The following AVIL variants were observed in gnomAD, a reference collection of about 807,000 sequenced individuals.
AVIL encodes the protein advillin.
Under a neutral mutation model 109.9 loss-of-function variants are expected in AVIL, and 78 were observed. The observed-to-expected ratio is 0.71, with a 90% CI of 0.59 to 0.86. The LOEUF (loss-of-function observed/expected upper bound fraction) is 0.86. Ranked by LOEUF, AVIL falls within the 40% of genes least tolerant of loss-of-function variation. The pLI is 0.00. For synonymous variants in AVIL, 367 were observed against 379.1 expected (o/e 0.97, Z 0.37); for missense variants, 892 against 1,016.5 (o/e 0.88, Z 1.67).
chr12:57,816,670 T>G (rs1472924112), intron 1 of AVIL, among the ~76,000 whole-genome samples: 1 of 150,620 alleles, frequency 6.6e-6, no homozygotes, highest in Non-Finnish European at 1.5e-5. Context: ...TTCTCCACAG[T>G]CAACTTTGAC....
chr12:57,813,448 G>A (rs1956063564), intron 3 of AVIL, 25 bp from the exon 4 acceptor site: 2 of 1,602,550 alleles, frequency 1.2e-6, no homozygotes, highest in South Asian at 2.2e-5. Flanking sequence ...GAGAGATCAG[G>A]TCAGAGGCCA....
intron 4 of AVIL, among the ~76,000 whole-genome samples, 158 bp downstream of exon 4, chr12:57,813,069 C>G (rs1013661407): frequency 2.6e-5 from 4 of 152,234 alleles, no homozygotes; most frequent in Non-Finnish European, 5.9e-5. Context: ...CACTTGGCAC[C>G]TCCCAGCTGT....
chr12:57,808,730 A>G (rs1438792010), intron 9 of AVIL, 182 bp from the exon 10 acceptor site: 5 of 671,828 alleles, frequency 7.4e-6, no homozygotes, highest in African/African-American at 1.8e-5. Flanking sequence ...AAAATGACTG[A>G]GTGGAACATT....
chr12:57,807,440 A>G lies in AVIL; in HGVS notation c.1382T>C (p.Val461Ala). ...CCCATCAAACTGCCGATCCACCTCC[A>G]CTGCCTGGTATGCTGAGGCTGCCAG... ...DELAASAYQAVEVDRQFDGAA... is the reference protein window; with the variant it reads ...DELAASAYQAAEVDRQFDGAA... Residue 461 changes from valine (V) to alanine (A), a missense_variant, in exon 13 of 20, where the codon GTG becomes GCG. By Grantham distance (64) the Val-to-Ala change is moderately conservative. Transcript: ENST00000549994. 1 of 1,614,124 alleles carries G rather than the reference A, an allele frequency of 6.2e-7. No homozygotes were observed. The highest frequency in any genetic ancestry group is 8.5e-7 in the Non-Finnish European group (1 of 1,180,026).
chr12:57,814,833 C>G (rs937977919), intron 2 of AVIL: 1 of 152,536 alleles, frequency 6.6e-6, no homozygotes, highest in East Asian at 1.9e-4. Flanking sequence ...TGTAGATTTT[C>G]ATCACACTCC....
chr12:57,809,843 C>G lies in AVIL; in HGVS notation c.809G>C (p.Arg270Thr). The G allele has an allele frequency of 6.2e-7, 1 of 1,614,192 alleles. No homozygotes were observed. The highest frequency in any genetic ancestry group is 8.5e-7 in the Non-Finnish European group (1 of 1,180,024). Residue 270 changes from arginine to threonine, a missense_variant, in exon 8 of 20, where the codon AGG becomes ACG. Transcript: ENST00000549994. ...GQLAVTEVAT[R>T]PLVQDLLNHD... ...GTTCAGTAAGTCCTGGACCAGAGGC[C>G]TTGTTGCTACCTCTGTGACTGCCAG... is the stretch of plus-strand genomic sequence containing the variant.
In AVIL at chr12:57,814,182, G is replaced by A; in HGVS notation, c.111C>T (p.Phe37=). 2 of 1,613,332 alleles carry A rather than the reference G, an allele frequency of 1.2e-6. No homozygotes were observed. The highest frequency in any genetic ancestry group is 1.7e-6 in the Non-Finnish European group (2 of 1,179,842). The part of the protein sequence containing the change: ...ALVPVSAHGN[F]YEGDCYVILS... ...GGATGACGTAGCAGTCCCCCTCATA[G>A]AAGTTGCCGTGGGCGCTCACAGGCA... is the stretch of plus-strand genomic sequence containing the variant. The change falls in exon 3 of 20, where the codon TTC becomes TTT. Residue 37 remains phenylalanine (F), a synonymous_variant. Coordinates refer to ENST00000549994, the MANE Select transcript of AVIL (RefSeq NM_006576.4).
Position 57,810,486 on chromosome 12 carries a change from G to C in AVIL, c.624C>G (p.Ile208Met), listed in dbSNP as rs781263584. ...GGCTGGCTGCCTCCTTGTCTCCCTC[G>C]ATCACTCCTATTTTAGCACGGCCCC... Reference protein sequence around the residue: ...ERGGRAKIGVIEGDKEAASPE... With the variant: ...ERGGRAKIGVMEGDKEAASPE... The change falls in exon 7 of 20, where the codon ATC (isoleucine) becomes ATG (methionine). Residue 208 changes from isoleucine to methionine, a missense_variant. Coordinates refer to ENST00000549994, the MANE Select transcript of AVIL (RefSeq NM_006576.4). 6.2e-7 allele frequency: 1 copy of C among 1,613,976 alleles called. No homozygotes were observed. The highest frequency in any genetic ancestry group is 1.7e-5 in the Admixed American group (1 of 59,992).
At chr12:57,811,179 G>C in intron 4 of AVIL, 52 bp from the exon 5 acceptor site, 1 of 1,550,980 alleles carries the variant, frequency 6.4e-7, no homozygotes, top group East Asian at 2.3e-5. Flanking sequence ...GCTAGGTTCT[G>C]GGGAGACAGT....
At position 57,814,319 on chromosome 12, in the gene AVIL, TGGGGAGAAGGA is replaced by T. The variant is rs1956075259; in HGVS notation, c.67-104_67-94del. The T allele has an allele frequency of 2.3e-6, 3 of 1,289,038 alleles. No homozygotes were observed. In the South Asian group the frequency reaches 3.9e-5, roughly 17 times the overall value. The allele number at this position is 1,289,038 out of a possible 1,614,324, so 79.9% of individuals were successfully genotyped here. A position where few individuals can be genotyped will look rare whatever the true frequency, so the allele number is the denominator to read the frequency against. On this transcript the variant is annotated intron_variant, in intron 2 of 19. Coordinates refer to ENST00000549994, the MANE Select transcript of AVIL (RefSeq NM_006576.4). ...CCTCTCTGTCATTCGGTGCAGGTGG[TGGGGAGAAGGA>T]GGGGAGATGTTCTCAATGACCTTAC...
chr12:57,817,652 C>G (rs1489528820), intron 1 of AVIL, among the ~76,000 whole-genome samples: 1 of 151,898 alleles, frequency 6.6e-6, no homozygotes, highest in Non-Finnish European at 1.5e-5. Flanking sequence ...GAACTGTCAC[C>G]CTGGTAAAAG....
chr12:57,811,154 G>T, intron 4 of AVIL, 27 bp from the exon 5 acceptor site: 1 of 1,607,234 alleles, frequency 6.2e-7, no homozygotes. Flanking sequence ...TCAGTTATTT[G>T]AGTGCCTGCT....
rs960653179 is a variant in AVIL, at chr12:57,806,408, A to G, written c.1623T>C (p.Asp541=). Residue 541 remains aspartate (D), a synonymous_variant, in exon 14 of 20, where the codon GAT becomes GAC. Transcript: ENST00000549994. ...PAFASSLNSN[D]VFLLRTQAEH... ...CTGCCTGAGTTCGCAGCAGAAAGACATCATTGGAGTTTAGGGAGGAGGCAA... is the reference window on the plus strand; with the variant it reads ...CTGCCTGAGTTCGCAGCAGAAAGACGTCATTGGAGTTTAGGGAGGAGGCAA... The G allele has an allele frequency of 2.5e-6, 4 of 1,613,998 alleles. No individual in the cohort carries two copies. Among genetic ancestry groups the G allele is most frequent in the East Asian group, 4.5e-5 (2 of 44,888 alleles).
rs748894208 is a variant in AVIL at position 57,803,573 on chromosome 12, C to CCTACCCT, written c.1767_1768insAGGGTAG (p.Glu590ArgfsTer17). On this transcript the variant is annotated frameshift_variant, in exon 15 of 20. Coordinates refer to ENST00000549994, the MANE Select transcript of AVIL (RefSeq NM_006576.4). LOFTEE classifies it high-confidence loss of function. ...TTCCCTCCCAGTAGGTCCCAGAACT[C>CCTACCCT]GGCTGGCTCCTGGCCCTCGGCCACA... 1.2e-6 allele frequency: 2 copies of CCTACCCT among 1,614,196 alleles called. No homozygotes were observed. Among genetic ancestry groups the CCTACCCT allele is most frequent in the South Asian group, 2.2e-5 (2 of 91,082 alleles).
chr12:57,803,260 T>C lies in AVIL; in HGVS notation c.1949A>G (p.Asp650Gly). The C allele has an allele frequency of 6.2e-7, 1 of 1,614,074 alleles. No homozygotes were observed. Among genetic ancestry groups the C allele is most frequent in the Non-Finnish European group, 8.5e-7 (1 of 1,179,990 alleles). The change falls in exon 16 of 20, where the codon GAT (aspartate) becomes GGT (glycine). Residue 650 changes from aspartate to glycine, a missense_variant. Coordinates refer to ENST00000549994, the MANE Select transcript of AVIL (RefSeq NM_006576.4). The part of the protein sequence containing the change: ...DLNPTDVMLL[D>G]TWDQVFLWIG... ...GCTGTGTCTTACCTGGTCCCAGGTA[T>C]CTAGGAGCATCACGTCAGTAGGGTT...
intron 1 of AVIL, among the ~76,000 whole-genome samples, chr12:57,816,700 CTTTTTTTTTTTTTTT>C (rs11349032): frequency 9.6e-5 from 9 of 93,494 alleles, no homozygotes; most frequent in Non-Finnish European, 1.9e-4. Flanking sequence ...GGCTTTTGTC[CTTTTTTTTTTTTTTT>C]TTTTTTTTTT....
chr12:57,799,747 TC>T, intron 19 of AVIL, 47 bp downstream of exon 19: 1 of 1,610,144 alleles, frequency 6.2e-7, no homozygotes, highest in Non-Finnish European at 8.5e-7. Flanking sequence ...AGTTTTTTAC[TC>T]ACGGAGAGCT....
intron 9 of AVIL, chr12:57,808,782 T>G: frequency 1.9e-6 from 1 of 524,002 alleles, no homozygotes; most frequent in East Asian, 3.3e-5. Context: ...TGGTTGTTAA[T>G]TTTTAGGATG....
At chr12:57,805,120 A>G (rs943249631) in intron 14 of AVIL, among the ~76,000 whole-genome samples, 1 of 152,104 alleles carries the variant, frequency 6.6e-6, no homozygotes, top group Admixed American at 6.5e-5. Flanking sequence ...CAGTGGCGCA[A>G]TCTCGGCTCA....
Sources: gnomAD v4.1 joint callset for allele counts (sites outside exome capture counted in the v4.1 genomes callset) on GRCh38, gnomAD v4.1.1 for gene constraint, MANE v1.5 for transcripts, NCBI Gene and HGNC (gene_info 2026-07-23, HGNC 2026-07-21) for gene names.